MARCHF6: variants seen among roughly 807,000 people sequenced by gnomAD.
The protein encoded by MARCHF6 is E3 ubiquitin-protein ligase MARCHF6.
A neutral mutation model predicts 133.7 loss-of-function variants in MARCHF6; 31 were observed. That is an observed-to-expected ratio of 0.23 (90% CI 0.17 to 0.31). The LOEUF is 0.31. MARCHF6 is among the 10% of genes least tolerant of loss of function. The pLI, the probability that MARCHF6 is intolerant of heterozygous loss-of-function variation, is 1.00. For synonymous variants in MARCHF6, 395 were observed against 402.5 expected, an observed-to-expected ratio of 0.98 and a Z score of 0.22; for missense variants, 723 against 1,121.6, an observed-to-expected ratio of 0.64 and a Z score of 5.08.
chr5:10,396,467 A>G (rs780786194), intron 9 of MARCHF6, among the ~76,000 whole-genome samples: 20 of 152,314 alleles, frequency 1.3e-4, no homozygotes, highest in Non-Finnish European at 2.5e-4. Context: ...GTGAGAAGAA[A>G]TGTAGTAGTC....
rs10574367 is a variant in MARCHF6 at position 10,431,626 on chromosome 5, AGTGTGT to A, written c.2642+1618_2642+1623del. On this transcript the variant is annotated intron_variant, in intron 25 of 25. Transcript: ENST00000274140. ...CTGTGGGAGGTGCTAAGAGTGAGTG[AGTGTGT>A]GTGTGTGTGTGTGTGTGTGAGAGTG... 4.8e-3 allele frequency among the ~76,000 whole-genome samples: 714 copies of A among 148,490 alleles called. 2 individuals carry two copies. The highest frequency in any genetic ancestry group is 7.0e-3 in the Non-Finnish European group (468 of 67,156).
intron 1 of MARCHF6, among the ~76,000 whole-genome samples, chr5:10,374,998 C>T (rs908194806): frequency 1.6e-4 from 25 of 152,228 alleles, no homozygotes; most frequent in Non-Finnish European, 8.8e-5. Flanking sequence ...AGCATGCTGG[C>T]AGTCCTCACA....
chr5:10,402,867 G>A (rs372730213), intron 14 of MARCHF6, among the ~76,000 whole-genome samples: 10 of 152,222 alleles, frequency 6.6e-5, no homozygotes, highest in African/African-American at 2.2e-4. Flanking sequence ...TTTTGCTGTC[G>A]TAAATTTGTG....
At chr5:10,415,431 G>C in intron 20 of MARCHF6, 57 bp from the exon 21 acceptor site, 1 of 1,435,938 alleles carries the variant, frequency 7.0e-7, no homozygotes, top group Non-Finnish European at 9.7e-7. Context: ...ACAACATGAA[G>C]ATGACAATTC....
chr5:10,402,672 G>A lies in MARCHF6; in HGVS notation c.1197+65G>A. The A allele has an allele frequency of 4.6e-6, 6 of 1,294,382 alleles. No individual in the cohort carries two copies. In the East Asian group the frequency reaches 1.2e-4, roughly 25 times the overall value. 80.2% of individuals were successfully genotyped at this position (1,294,382 alleles called of 1,614,324 possible). A position where few individuals can be genotyped will look rare whatever the true frequency, so the allele number is the denominator to read the frequency against. The stretch of plus-strand genomic sequence containing the variant: ...AGGGCTTCAAAAGAGGAAGTCTTCA[G>A]CATGTATTCTTTTTAAAGGAAAGCA... On this transcript the variant is annotated intron_variant, in intron 14 of 25. Coordinates refer to ENST00000274140, the MANE Select transcript of MARCHF6 (RefSeq NM_005885.4).
intron 21 of MARCHF6, among the ~76,000 whole-genome samples, chr5:10,416,165 T>C (rs1436038529): frequency 1.3e-5 from 2 of 152,206 alleles, no homozygotes; most frequent in Non-Finnish European, 2.9e-5. Flanking sequence ...GTAACACATA[T>C]GACTCCCACA....
intron 2 of MARCHF6, 106 bp from the exon 3 acceptor site, chr5:10,378,651 CTA>C: frequency 1.5e-6 from 1 of 687,988 alleles, no homozygotes; most frequent in Non-Finnish European, 2.4e-6. Context: ...AATTTTGAAA[CTA>C]AAAGCTCTGT....
chr5:10,353,776 T>C lies in MARCHF6; in HGVS notation c.-123T>C. Reference sequence around the variant, plus strand: ...CCTCTCCCCTCTCCTTCCTCTCGCTTCCTCTCTCGCACCTGAGCGTACGCA... The same window carrying C: ...CCTCTCCCCTCTCCTTCCTCTCGCTCCCTCTCTCGCACCTGAGCGTACGCA... On this transcript the variant is annotated 5_prime_UTR_variant, in exon 1 of 26. Coordinates refer to ENST00000274140, the MANE Select transcript of MARCHF6 (RefSeq NM_005885.4). 1.3e-6 allele frequency: 1 copy of C among 797,364 alleles called. No individual in the cohort carries two copies. Among genetic ancestry groups the C allele is most frequent in the South Asian group, 1.5e-5 (1 of 65,384 alleles). 49.4% of individuals were successfully genotyped at this position (797,364 alleles called of 1,614,324 possible).
intron 9 of MARCHF6, among the ~76,000 whole-genome samples, chr5:10,396,043 A>T (rs1031930221): frequency 6.6e-6 from 1 of 152,206 alleles, no homozygotes; most frequent in African/African-American, 2.4e-5. Context: ...TGGTGACTCA[A>T]ACTCATTTGA....
rs144052844 is a variant in MARCHF6 at position 10,402,095 on chromosome 5, A to G, written c.1009A>G (p.Ile337Val). The part of the protein sequence containing the change: ...ASHFEGLITT[I>V]VGYILLAITL... Reference sequence around the variant, plus strand: ...TCATTTTGAAGGCCTAATCACAACCATAGTTGGGTATATACTTTTAGCAAT... The same window carrying G: ...TCATTTTGAAGGCCTAATCACAACCGTAGTTGGGTATATACTTTTAGCAAT... The change falls in exon 12 of 26, where the codon ATA (isoleucine) becomes GTA (valine). Residue 337 changes from isoleucine to valine, a missense_variant. Physicochemically the swap from Ile to Val is conservative, Grantham distance 29. Around this residue, in one of 4 missense-constraint regions of MARCHF6, gnomAD observed 43 missense variants for 97.9 expected, o/e 0.44. Transcript: ENST00000274140. 1.2e-5 allele frequency: 19 copies of G among 1,610,546 alleles called. No homozygotes were observed. The highest frequency in any genetic ancestry group is 1.7e-5 in the Admixed American group (1 of 59,866).
At chr5:10,397,386 A>T in intron 10 of MARCHF6, 42 bp downstream of exon 10, 1 of 1,446,034 alleles carries the variant, frequency 6.9e-7, no homozygotes. Context: ...GTATTATGGT[A>T]GGAATTTAGT....
chr5:10,358,899 G>GCAC (rs1320224172), intron 1 of MARCHF6, among the ~76,000 whole-genome samples: 2 of 152,126 alleles, frequency 1.3e-5, no homozygotes, highest in African/African-American at 2.4e-5. Context: ...ACTGTACATG[G>GCAC]CACCATTCAC....
chr5:10,383,144 A>G (rs1166154540), intron 4 of MARCHF6, among the ~76,000 whole-genome samples: 2 of 152,236 alleles, frequency 1.3e-5, no homozygotes, highest in African/African-American at 2.4e-5. Context: ...AAATTCTTGG[A>G]AGATACCAAC....
intron 19 of MARCHF6, 128 bp downstream of exon 19, chr5:10,411,665 C>G (rs1739240073): frequency 1.6e-6 from 1 of 614,242 alleles, no homozygotes. Context: ...TTTTATTACC[C>G]TCATTATGTA....
intron 1 of MARCHF6, among the ~76,000 whole-genome samples, chr5:10,375,999 A>G (rs2126685724): frequency 6.6e-6 from 1 of 152,276 alleles, no homozygotes; most frequent in Middle Eastern, 3.4e-3. Flanking sequence ...CAGGGATTGT[A>G]AATGTACCAA....
At chr5:10,401,003 G>T (rs1738497650) in intron 11 of MARCHF6, 161 bp downstream of exon 11, 2 of 586,092 alleles carry the variant, frequency 3.4e-6, no homozygotes, top group Non-Finnish European at 5.9e-6. Flanking sequence ...AATAACAGTG[G>T]CTCAAGAGAT....
intron 24 of MARCHF6, among the ~76,000 whole-genome samples, chr5:10,429,395 CTT>C (rs571345405): frequency 0.051 from 6,827 of 134,424 alleles, 507 homozygotes; most frequent in African/African-American, 0.17. Flanking sequence ...CGTCCAGTTC[CTT>C]TTTTTTTTTT....
chr5:10,431,295 A>T lies in MARCHF6; in HGVS notation c.2642+1267A>T, dbSNP rs529714806. Among the ~76,000 whole-genome samples, 22 of 152,286 alleles carry T rather than the reference A, an allele frequency of 1.4e-4. No individual in the cohort carries two copies. In the South Asian group the frequency reaches 4.3e-3, roughly 30 times the overall value. ...TTAGCACTCAACTTTTTGGCAGAGG[A>T]GTAAATACTGCAAACAGAATGACAA... On this transcript the variant is annotated intron_variant, in intron 25 of 25. Transcript: ENST00000274140.
At chr5:10,404,586 A>G (rs1158508101) in intron 15 of MARCHF6, among the ~76,000 whole-genome samples, 1 of 152,212 alleles carries the variant, frequency 6.6e-6, no homozygotes, top group African/African-American at 2.4e-5. Context: ...AAATGAATAC[A>G]GCATTGAAAA....
Sources: gnomAD v4.1 joint callset for allele counts (sites outside exome capture counted in the v4.1 genomes callset) on GRCh38, gnomAD v4.1.1 for gene constraint, gnomAD v4.1.1 regional missense constraint, MANE v1.5 for transcripts, NCBI Gene and HGNC (gene_info 2026-07-23, HGNC 2026-07-21) for gene names.